Variants in ERLIN1 observed in about 807,000 individuals in gnomAD.
ERLIN1 encodes erlin-1.
In ERLIN1, 24 loss-of-function variants were observed where a neutral mutation model predicts 46.9. The ratio of observed to expected loss-of-function variants is 0.51; its 90% CI spans 0.37 to 0.72. The LOEUF is 0.72. Among genes scored for constraint, ERLIN1 ranks in the 30% least tolerant of loss-of-function variants. ERLIN1 has a pLI of 0.00. For missense variants in ERLIN1, 293 were observed against 417.9 expected (o/e 0.70, Z 2.61); for synonymous variants, 158 against 143.2 (o/e 1.10, Z -0.74).
intron 8 of ERLIN1, among the ~76,000 whole-genome samples, chr10:100,156,799 G>A (rs1843103594): frequency 6.6e-6 from 1 of 152,124 alleles, no homozygotes; most frequent in Non-Finnish European, 1.5e-5. Context: ...GATCTCTTAA[G>A]CCCAAGAGTT....
chr10:100,185,049 G>T (rs980839924), intron 1 of ERLIN1, among the ~76,000 whole-genome samples: 1 of 151,870 alleles, frequency 6.6e-6, no homozygotes, highest in Admixed American at 6.6e-5. Context: ...GTCCCTGGAG[G>T]TCCAGGGACA....
chr10:100,181,156 T>G (rs982384329), intron 2 of ERLIN1, among the ~76,000 whole-genome samples: 2 of 152,220 alleles, frequency 1.3e-5, no homozygotes, highest in African/African-American at 2.4e-5. Flanking sequence ...AAGGATATTC[T>G]CTAGCCAATT....
Position 100,183,789 on chromosome 10 carries a change from C to T in ERLIN1, c.162G>A (p.Met54Ile). ...ATCTGAACGTAGTAATGAAAGGCAA[C>T]ATGATATGATAGCCTGGTCCACTGG... is the stretch of plus-strand genomic sequence containing the variant. ...TSPSGPGYHI[M>I]LPFITTFRSV... The change falls in exon 2 of 11, where the codon ATG becomes ATA. Residue 54 changes from methionine (M) to isoleucine (I), a missense_variant. Physicochemically the swap from Met to Ile is conservative, Grantham distance 10. Transcript: ENST00000421367. 6.2e-7 allele frequency: 1 copy of T among 1,613,644 alleles called. No homozygotes were observed. The highest frequency in any genetic ancestry group is 8.5e-7 in the Non-Finnish European group (1 of 1,179,630).
At position 100,158,735 on chromosome 10, in the gene ERLIN1, A is replaced by G. The variant is rs562703889; in HGVS notation, c.656-2501T>C. 5.9e-5 allele frequency among the ~76,000 whole-genome samples: 9 copies of G among 152,362 alleles called. No homozygotes were observed. In the South Asian group the frequency reaches 1.9e-3, roughly 32 times the overall value. On this transcript the variant is annotated intron_variant, in intron 8 of 10. Coordinates refer to ENST00000421367, the MANE Select transcript of ERLIN1 (RefSeq NM_006459.4). ...ACTGGAGGACAGTGATAAGAGTTAA[A>G]GCATTCTAAGGTACTGTTCAAGAAG...
At chr10:100,180,643 A>G (rs1844585044) in intron 2 of ERLIN1, among the ~76,000 whole-genome samples, 2 of 152,224 alleles carry the variant, frequency 1.3e-5, no homozygotes, top group Non-Finnish European at 2.9e-5. Context: ...CTGGAGCAGA[A>G]GGGACAATTT....
chr10:100,153,516 A>G (rs987381857), intron 10 of ERLIN1, among the ~76,000 whole-genome samples: 1 of 152,148 alleles, frequency 6.6e-6, no homozygotes, highest in Non-Finnish European at 1.5e-5. Context: ...CCCCCAGGCA[A>G]AAGTCCATCT....
chr10:100,166,500 A>G (rs1323164591), intron 7 of ERLIN1, among the ~76,000 whole-genome samples: 1 of 152,192 alleles, frequency 6.6e-6, no homozygotes, highest in Non-Finnish European at 1.5e-5. Context: ...GGAAAAGGAA[A>G]ATATAAAAGA....
chr10:100,175,141 T>G (rs931651833), intron 5 of ERLIN1, among the ~76,000 whole-genome samples: 1 of 152,216 alleles, frequency 6.6e-6, no homozygotes, highest in Non-Finnish European at 1.5e-5. Context: ...AAAAGTAAGT[T>G]GTACAGAAGT....
intron 6 of ERLIN1, among the ~76,000 whole-genome samples, chr10:100,170,552 G>C (rs1176332985): frequency 6.6e-6 from 1 of 152,220 alleles, no homozygotes; most frequent in African/African-American, 2.4e-5. Context: ...AGTGGGGAAA[G>C]AAGACAGGCG....
At position 100,152,352 on chromosome 10, in the gene ERLIN1, G is replaced by C; in HGVS notation, c.826C>G (p.His276Asp). ...TCCAGATATTCCGGGGTCAACTTGT[G>C]CTGTGTGGGAGCAAACAAGAGCAAA... is the stretch of plus-strand genomic sequence containing the variant. Reference protein sequence around the residue: ...AAHKYATSNKHKLTPEYLELK... With the variant: ...AAHKYATSNKDKLTPEYLELK... Residue 276 changes from histidine (H) to aspartate (D), a missense_variant and splice_region_variant, in exon 11 of 11, where the codon CAC (histidine) becomes GAC (aspartate). Physicochemically the swap from His to Asp is moderately conservative, Grantham distance 81 (BLOSUM62 -1). Transcript: ENST00000421367. The C allele has an allele frequency of 6.3e-7, 1 of 1,594,228 alleles. No homozygotes were observed. Among genetic ancestry groups the C allele is most frequent in the South Asian group, 1.1e-5 (1 of 90,804 alleles).
Position 100,185,690 on chromosome 10 carries a change from T to G in ERLIN1, c.-64A>C. 1 of 1,341,616 alleles carries G rather than the reference T, an allele frequency of 7.5e-7. No homozygotes were observed. The highest frequency in any genetic ancestry group is 1.1e-6 in the Non-Finnish European group (1 of 935,746). The allele number at this position is 1,341,616 out of a possible 1,614,324, so 83.1% of individuals were successfully genotyped here. A position where few individuals can be genotyped will look rare whatever the true frequency, so the allele number is the denominator to read the frequency against. ...TCCCGTGAGTGACAGGTCCACCCCC[T>G]CCAGTTTCTACCCTCTCCCTCCGGA... On this transcript the variant is annotated 5_prime_UTR_variant, in exon 1 of 11. Coordinates refer to ENST00000421367, the MANE Select transcript of ERLIN1 (RefSeq NM_006459.4).
At chr10:100,170,885 A>G (rs1478408566) in intron 6 of ERLIN1, among the ~76,000 whole-genome samples, 1 of 152,246 alleles carries the variant, frequency 6.6e-6, no homozygotes, top group Non-Finnish European at 1.5e-5. Flanking sequence ...CTAAGTTCAG[A>G]AAAAGACTCT....
At position 100,170,345 on chromosome 10, in the gene ERLIN1, T is replaced by C. The variant is rs369407094; in HGVS notation, c.505-2939A>G. Among the ~76,000 whole-genome samples, 34 of 152,282 alleles carry C rather than the reference T, an allele frequency of 2.2e-4. No individual in the cohort carries two copies. The East Asian group carries it at 3.7e-3, about 16-fold the overall frequency. ...CTCTTCTCAGGGTATGCTTAAGTTATTGCAAAATATAAAAATTATTTTAAA... is the reference window on the plus strand; with the variant it reads ...CTCTTCTCAGGGTATGCTTAAGTTACTGCAAAATATAAAAATTATTTTAAA... On this transcript the variant is annotated intron_variant, in intron 6 of 10. Coordinates refer to ENST00000421367, the MANE Select transcript of ERLIN1 (RefSeq NM_006459.4).
intron 3 of ERLIN1, 91 bp from the exon 4 acceptor site, chr10:100,178,285 T>A (rs1477436634): frequency 2.6e-6 from 2 of 775,528 alleles, no homozygotes; most frequent in Non-Finnish European, 4.3e-6. Context: ...TAATGAAACA[T>A]ACTAATATTC....
chr10:100,162,049 G>T (rs1447062050), intron 8 of ERLIN1, among the ~76,000 whole-genome samples: 4 of 152,012 alleles, frequency 2.6e-5, no homozygotes, highest in Non-Finnish European at 4.4e-5. Flanking sequence ...AAAGACTAAT[G>T]AATTTGTCTA....
At chr10:100,179,342 A>C in intron 2 of ERLIN1, 95 bp from the exon 3 acceptor site, 1 of 798,396 alleles carries the variant, frequency 1.3e-6, no homozygotes, top group Non-Finnish European at 2.2e-6. Flanking sequence ...TGCTGACAGT[A>C]AGTACAGCAG....
At chr10:100,160,391 G>A (rs1843301826) in intron 8 of ERLIN1, among the ~76,000 whole-genome samples, 1 of 151,896 alleles carries the variant, frequency 6.6e-6, no homozygotes, top group African/African-American at 2.4e-5. Flanking sequence ...AGAAAAGGAA[G>A]CCATGCTCTT....
At chr10:100,169,043 T>C (rs1843826990) in intron 6 of ERLIN1, among the ~76,000 whole-genome samples, 1 of 152,216 alleles carries the variant, frequency 6.6e-6, no homozygotes, top group Non-Finnish European at 1.5e-5. Flanking sequence ...TACTACATTG[T>C]GCTTGCCAAT....
At chr10:100,171,683 T>C (rs1039344329) in intron 6 of ERLIN1, among the ~76,000 whole-genome samples, 3 of 152,114 alleles carry the variant, frequency 2.0e-5, no homozygotes, top group Admixed American at 1.3e-4. Context: ...AGTGGTGGGA[T>C]TACAGATGTG....
Sources: allele counts gnomAD v4.1 joint callset (sites outside exome capture counted in the v4.1 genomes callset), GRCh38; gene constraint gnomAD v4.1.1; transcripts MANE v1.5; gene names NCBI Gene and HGNC (gene_info 2026-07-23, HGNC 2026-07-21).